STARD9: variants seen among roughly 807,000 people sequenced by gnomAD.
The protein encoded by STARD9 is StAR related lipid transfer domain containing 9, also known as stAR-related lipid transfer protein 9.
Under a neutral mutation model 399.8 loss-of-function variants are expected in STARD9, and 346 were observed. The ratio of observed to expected loss-of-function variants is 0.87; its 90% CI spans 0.79 to 0.95. STARD9 has a LOEUF of 0.95. Among genes scored for constraint, STARD9 ranks in the 40% least tolerant of loss-of-function variants. The pLI is 0.00. For synonymous variants in STARD9, 2,203 were observed against 2,143.5 expected (o/e 1.03, Z -0.77); for missense variants, 5,832 against 5,667.5 (o/e 1.03, Z -0.93).
At chr15:42,628,208 A>T (rs2059263861) in intron 3 of STARD9, among the ~76,000 whole-genome samples, 1 of 152,102 alleles carries the variant, frequency 6.6e-6, no homozygotes, top group Non-Finnish European at 1.5e-5. Context: ...ATCTTTTTAT[A>T]TGTCTGTCAT....
intron 1 of STARD9, among the ~76,000 whole-genome samples, chr15:42,577,025 A>G (rs1316747866): frequency 6.6e-6 from 1 of 152,158 alleles, no homozygotes; most frequent in Non-Finnish European, 1.5e-5. Flanking sequence ...TGCAGATGCT[A>G]TGCTGGAGGT....
intron 3 of STARD9, among the ~76,000 whole-genome samples, chr15:42,627,696 C>T (rs2059253838): frequency 6.6e-6 from 1 of 152,110 alleles, no homozygotes; most frequent in South Asian, 2.1e-4. Context: ...TCTTTCTGTG[C>T]CTGGTTTATT....
At chr15:42,585,475 C>G in intron 2 of STARD9, 46 bp from the exon 3 acceptor site, 1 of 1,366,258 alleles carries the variant, frequency 7.3e-7, no homozygotes, top group South Asian at 1.2e-5. Context: ...TGGCCAGATT[C>G]TAATATTATG....
At chr15:42,650,970 CA>C in intron 7 of STARD9, 45 bp from the exon 8 acceptor site, 1 of 1,342,382 alleles carries the variant, frequency 7.4e-7, no homozygotes, top group Non-Finnish European at 1.0e-6. Context: ...TAAAGTTTAC[CA>C]AAAATCTCAT....
intron 3 of STARD9, among the ~76,000 whole-genome samples, chr15:42,602,075 C>G (rs1479588043): frequency 6.6e-6 from 1 of 152,164 alleles, no homozygotes; most frequent in East Asian, 1.9e-4. Flanking sequence ...TCTTGAACTC[C>G]TAACGTCAAG....
At chr15:42,641,609 C>CTTT (rs71431856) in intron 7 of STARD9, among the ~76,000 whole-genome samples, 1 of 140,630 alleles carries the variant, frequency 7.1e-6, no homozygotes. Flanking sequence ...TTTTTCTTTT[C>CTTT]TTTTTTTTTT....
intron 26 of STARD9, among the ~76,000 whole-genome samples, chr15:42,716,335 C>T (rs997120711): frequency 8.5e-5 from 13 of 152,084 alleles, no homozygotes; most frequent in Non-Finnish European, 7.4e-5. Context: ...TCCTGTTGCC[C>T]GGGTGGTGCA....
At chr15:42,676,831 A>G (rs2060320794) in intron 20 of STARD9, among the ~76,000 whole-genome samples, 2 of 152,146 alleles carry the variant, frequency 1.3e-5, no homozygotes, top group South Asian at 4.2e-4. Context: ...CTCAGTAGTT[A>G]TGATGGCCCG....
intron 26 of STARD9, among the ~76,000 whole-genome samples, chr15:42,705,445 T>G (rs765034095): frequency 1.1e-4 from 17 of 152,112 alleles, no homozygotes; most frequent in Non-Finnish European, 2.4e-4. Flanking sequence ...TGTTTGTTTA[T>G]TTTTTTGAGA....
intron 18 of STARD9, 40 bp from the exon 19 acceptor site, chr15:42,675,624 T>C (rs1473299547): frequency 6.9e-7 from 1 of 1,454,448 alleles, no homozygotes. Flanking sequence ...CTCCAAAACA[T>C]GAGCTGTTGA....
chr15:42,665,886 A>G, intron 15 of STARD9, 38 bp downstream of exon 15: 1 of 1,506,668 alleles, frequency 6.6e-7, no homozygotes. Context: ...TCTTTACATC[A>G]CCTGGGAGCT....
chr15:42,690,185 C>T lies in STARD9; in HGVS notation c.8607C>T (p.Pro2869=). 2.0e-6 allele frequency: 3 copies of T among 1,537,704 alleles called. No individual in the cohort carries two copies. The highest frequency in any genetic ancestry group is 2.6e-6 in the Non-Finnish European group (3 of 1,146,984). ...GALTRVALEA[P]TQQCVQCKES... ...TGACAAGGGTTGCACTGGAAGCTCC[C>T]ACACAGCAGTGTGTGCAGTGTAAGG... Residue 2869 remains proline (P), a synonymous_variant, in exon 23 of 33, where the codon CCC becomes CCT. Transcript: ENST00000290607.
intron 3 of STARD9, among the ~76,000 whole-genome samples, chr15:42,590,372 T>A (rs2058370674): frequency 6.6e-6 from 1 of 152,210 alleles, no homozygotes; most frequent in Non-Finnish European, 1.5e-5. Context: ...CCTAGGTTTC[T>A]TCTTATTACA....
intron 3 of STARD9, among the ~76,000 whole-genome samples, chr15:42,630,533 G>A (rs1029284681): frequency 1.3e-5 from 2 of 151,930 alleles, no homozygotes; most frequent in African/African-American, 2.4e-5. Flanking sequence ...TTAAATGTTT[G>A]GTAAAATTCA....
At chr15:42,662,704 A>G (rs2060014330) in intron 10 of STARD9, 90 bp from the exon 11 acceptor site, 1 of 807,706 alleles carries the variant, frequency 1.2e-6, no homozygotes, top group Non-Finnish European at 2.0e-6. Context: ...ACAGCATGAT[A>G]TACAGAATAA....
At position 42,689,839 on chromosome 15, in the gene STARD9, G is replaced by T. The variant is rs1331492953; in HGVS notation, c.8261G>T (p.Arg2754Ile). Residue 2754 changes from arginine (R) to isoleucine (I), a missense_variant, in exon 23 of 33, where the codon AGA becomes ATA. Arg to Ile is a moderately conservative substitution (Grantham distance 97). This residue lies in a region of STARD9 where 5,828 missense variants were observed against 5,651.1 expected (regional missense o/e 1.03). Transcript: ENST00000290607. ...TCTCAGGCCCCTTATGATGATCCTAGAGTGACTCTGCATGAGCTAAGTCAG... is the reference window on the plus strand; with the variant it reads ...TCTCAGGCCCCTTATGATGATCCTATAGTGACTCTGCATGAGCTAAGTCAG... ...LPSQAPYDDPRVTLHELSQSV... is the reference protein window; with the variant it reads ...LPSQAPYDDPIVTLHELSQSV... The T allele has an allele frequency of 1.3e-6, 2 of 1,537,326 alleles. No individual in the cohort carries two copies. The highest frequency in any genetic ancestry group is 1.7e-6 in the Non-Finnish European group (2 of 1,146,918).
At chr15:42,665,718 T>C in intron 14 of STARD9, 68 bp from the exon 15 acceptor site, 1 of 1,276,744 alleles carries the variant, frequency 7.8e-7, no homozygotes, top group Non-Finnish European at 1.1e-6. Context: ...CCTCCACAAG[T>C]GTAAGGGTGG....
Position 42,691,916 on chromosome 15 carries a change from G to A in STARD9, c.10338G>A (p.Arg3446=), listed in dbSNP as rs1266560143. The A allele has an allele frequency of 2.0e-6, 3 of 1,537,252 alleles. No homozygotes were observed. In the East Asian group the frequency reaches 7.3e-5, roughly 38 times the overall value. The change falls in exon 23 of 33, where the codon AGG becomes AGA. Residue 3446 remains arginine (R), a synonymous_variant. Transcript: ENST00000290607. ...GAGAGAAACTGGGTGTCCAGGTTAG[G>A]CCAGAAAATTGGTGCTCTCAGATGG... The part of the protein sequence containing the change: ...GKREKLGVQV[R]PENWCSQMDK...
chr15:42,675,276 G>A (rs1364564715), intron 18 of STARD9, among the ~76,000 whole-genome samples: 1 of 152,186 alleles, frequency 6.6e-6, no homozygotes, highest in Non-Finnish European at 1.5e-5. Context: ...AGGATTGAAT[G>A]AACCTTATAG....
Sources: gnomAD v4.1 joint callset for allele counts (sites outside exome capture counted in the v4.1 genomes callset) on GRCh38, gnomAD v4.1.1 for gene constraint, gnomAD v4.1.1 regional missense constraint, MANE v1.5 for transcripts, NCBI Gene and HGNC (gene_info 2026-07-23, HGNC 2026-07-21) for gene names.